The following KLF8 variants were observed in gnomAD, a reference collection of about 807,000 sequenced individuals.
KLF8 encodes the protein Krueppel-like factor 8.
Under a neutral mutation model 18.2 loss-of-function variants are expected in KLF8, and 10 were observed. The ratio of observed to expected loss-of-function variants is 0.55; its 90% confidence interval spans 0.34 to 0.93. KLF8 has a LOEUF of 0.93. Ranked by LOEUF, KLF8 falls within the 40% of genes least tolerant of loss-of-function variation. KLF8 has a pLI of 0.02. For synonymous variants in KLF8, 109 were observed against 97.3 expected (o/e 1.12, Z -0.71); for missense variants, 264 against 277.9 (o/e 0.95, Z 0.36).
chrX:56,270,426 C>CAG (rs1214833854), intron 5 of KLF8, 105 bp downstream of exon 5: 18 of 828,479 alleles, frequency 2.2e-5, no homozygotes, highest in South Asian at 1.8e-4. Flanking sequence ...GAGAGAGGGG[C>CAG]AGAGAGAGAG....
chrX:56,045,371 C>T, the KLF8 span, among the ~76,000 whole-genome samples: 3 of 111,022 alleles, frequency 2.7e-5, no homozygotes, highest in Non-Finnish European at 5.7e-5. Flanking sequence ...TCTTGCTTTG[C>T]CTATGAAAAC....
the KLF8 span, among the ~76,000 whole-genome samples, chrX:56,209,370 G>T: frequency 2.7e-5 from 3 of 111,179 alleles, no homozygotes; most frequent in African/African-American, 9.8e-5. Context: ...TGTGTTTCTT[G>T]TAGTCAAGAG....
the KLF8 span, among the ~76,000 whole-genome samples, chrX:55,990,907 C>T: frequency 1.4e-4 from 16 of 111,989 alleles, no homozygotes; most frequent in African/African-American, 5.2e-4. Flanking sequence ...TCAGTCTGCC[C>T]CTATTGGGGG....
the KLF8 span, among the ~76,000 whole-genome samples, chrX:56,048,619 T>G: frequency 8.9e-6 from 1 of 111,839 alleles, no homozygotes; most frequent in Non-Finnish European, 1.9e-5. Flanking sequence ...TCTGTTCCAT[T>G]GGTCTATATC....
At chrX:55,956,466 G>C in the KLF8 span, among the ~76,000 whole-genome samples, 1 of 111,396 alleles carries the variant, frequency 9.0e-6, no homozygotes, top group Non-Finnish European at 1.9e-5. Context: ...ATTTTGGGCA[G>C]AACTTTCATG....
chrX:56,181,178 A>T, the KLF8 span, among the ~76,000 whole-genome samples: 1 of 111,595 alleles, frequency 9.0e-6, no homozygotes, highest in Non-Finnish European at 1.9e-5. Flanking sequence ...TAGGATAGTT[A>T]GCTCTTCTTG....
chrX:56,209,591 C>T, the KLF8 span, among the ~76,000 whole-genome samples: 1 of 111,656 alleles, frequency 9.0e-6, no homozygotes, highest in South Asian at 3.8e-4. Flanking sequence ...TGCACTCCAG[C>T]CTGGGTGACA....
At chrX:55,928,715 G>A in the KLF8 span, among the ~76,000 whole-genome samples, 2 of 111,768 alleles carry the variant, frequency 1.8e-5, no homozygotes. Context: ...CTTTTTCATG[G>A]CCTCATAGTA....
the KLF8 span, among the ~76,000 whole-genome samples, chrX:56,221,862 C>CA: frequency 9.0e-6 from 1 of 111,670 alleles, no homozygotes; most frequent in African/African-American, 3.3e-5. Flanking sequence ...ACTGCTGGCT[C>CA]GGGCAGCCTG....
chrX:55,993,264 G>C, the KLF8 span, among the ~76,000 whole-genome samples: 1 of 111,591 alleles, frequency 9.0e-6, no homozygotes, highest in Admixed American at 9.5e-5. Flanking sequence ...TTATTTTGAC[G>C]TGTGTTCCTT....
chrX:56,069,683 A>C, the KLF8 span, among the ~76,000 whole-genome samples: 1 of 110,133 alleles, frequency 9.1e-6, no homozygotes, highest in East Asian at 2.9e-4. Flanking sequence ...AACTCCACCC[A>C]CCCCCATCTC....
chrX:56,009,994 C>G, the KLF8 span, among the ~76,000 whole-genome samples: 321 of 111,949 alleles, frequency 2.9e-3, 1 homozygote, highest in African/African-American at 9.8e-3. Flanking sequence ...ATTGGGGTAC[C>G]TGAAAGAGAT....
the KLF8 span, among the ~76,000 whole-genome samples, chrX:56,198,479 C>T: frequency 8.9e-5 from 10 of 111,854 alleles, no homozygotes; most frequent in African/African-American, 2.9e-4. Flanking sequence ...GAGTGAACTC[C>T]CTTTCACAAT....
chrX:56,163,480 G>A, the KLF8 span, among the ~76,000 whole-genome samples: 3 of 111,373 alleles, frequency 2.7e-5, no homozygotes, highest in Admixed American at 9.6e-5. Context: ...ATTCCTTATA[G>A]ATATTGGATA....
At chrX:56,224,221 TC>T in the KLF8 span, among the ~76,000 whole-genome samples, 1 of 111,766 alleles carries the variant, frequency 8.9e-6, no homozygotes, top group East Asian at 2.8e-4. Context: ...TTATGGTGGG[TC>T]TTGTTACTAG....
At chrX:56,028,180 C>T in the KLF8 span, among the ~76,000 whole-genome samples, 1 of 111,813 alleles carries the variant, frequency 8.9e-6, no homozygotes, top group South Asian at 3.8e-4. Context: ...TCTGGTAGTC[C>T]CAGAGCTGGG....
At chrX:56,156,845 C>T in the KLF8 span, among the ~76,000 whole-genome samples, 1 of 104,913 alleles carries the variant, frequency 9.5e-6, no homozygotes, top group Non-Finnish European at 1.9e-5. Flanking sequence ...TGATAGTTTG[C>T]TGAGAATGAT....
At chrX:56,076,502 GGT>G in the KLF8 span, among the ~76,000 whole-genome samples, 1 of 111,055 alleles carries the variant, frequency 9.0e-6, no homozygotes, top group East Asian at 2.8e-4. Flanking sequence ...AGTATTCCAT[GGT>G]GTATATGTGC....
chrX:56,179,999 G>A, the KLF8 span, among the ~76,000 whole-genome samples: 4 of 111,016 alleles, frequency 3.6e-5, no homozygotes, highest in African/African-American at 1.3e-4. Flanking sequence ...GATGATGCTG[G>A]CCCCATAAAA....
Sources: allele counts gnomAD v4.1 joint callset (sites outside exome capture counted in the v4.1 genomes callset), GRCh38; gene constraint gnomAD v4.1.1; transcripts MANE v1.5; gene names NCBI Gene and HGNC (gene_info 2026-07-23, HGNC 2026-07-21).